Variants in SCN7A observed in about 807,000 individuals in gnomAD.
SCN7A encodes sodium voltage-gated channel alpha subunit 7, also known as sodium channel protein type 7 subunit alpha.
Under a neutral mutation model 155.2 loss-of-function variants are expected in SCN7A, and 138 were observed. The observed-to-expected ratio is 0.89, with a 90% CI of 0.77 to 1.02. The LOEUF is 1.02. SCN7A is among the 50% of genes least tolerant of loss of function. The pLI is 0.00. For missense variants in SCN7A, 2,058 were observed against 1,986.6 expected, an observed-to-expected ratio of 1.04 and a Z score of -0.68; for synonymous variants, 693 against 649.0, an observed-to-expected ratio of 1.07 and a Z score of -1.03.
chr2:166,430,395 T>C (rs1402766204), intron 16 of SCN7A, among the ~76,000 whole-genome samples: 1 of 151,988 alleles, frequency 6.6e-6, no homozygotes, highest in Non-Finnish European at 1.5e-5. Flanking sequence ...ATTCTTTATT[T>C]ATTTCTAATG....
chr2:166,447,541 T>C, intron 12 of SCN7A, 71 bp downstream of exon 12: 1 of 980,024 alleles, frequency 1.0e-6, no homozygotes, highest in Non-Finnish European at 1.5e-6. Context: ...AAGAAATTGC[T>C]GAATTTCTTT....
intron 1 of SCN7A, among the ~76,000 whole-genome samples, chr2:166,492,961 T>C (rs973070561): frequency 2.6e-5 from 4 of 152,218 alleles, no homozygotes; most frequent in African/African-American, 9.6e-5. Flanking sequence ...CAAAGACTTG[T>C]TCATTGGACT....
chr2:166,462,610 G>T, intron 9 of SCN7A, 80 bp from the exon 10 acceptor site: 1 of 1,359,284 alleles, frequency 7.4e-7, no homozygotes, highest in Non-Finnish European at 1.0e-6. Flanking sequence ...TAGAACATCA[G>T]TCCTGAGTAA....
At chr2:166,417,940 A>G (rs1052104013) in intron 20 of SCN7A, among the ~76,000 whole-genome samples, 4 of 151,666 alleles carry the variant, frequency 2.6e-5, no homozygotes, top group Admixed American at 1.3e-4. Context: ...GCAATAATCT[A>G]TAATCACTGT....
chr2:166,422,765 C>T (rs1252475648), intron 19 of SCN7A, among the ~76,000 whole-genome samples: 3 of 152,100 alleles, frequency 2.0e-5, no homozygotes, highest in African/African-American at 7.2e-5. Flanking sequence ...GAGCTGACTT[C>T]CATTTCACAA....
intron 16 of SCN7A, among the ~76,000 whole-genome samples, chr2:166,429,814 C>T (rs372719288): frequency 6.6e-6 from 1 of 151,874 alleles, no homozygotes; most frequent in East Asian, 1.9e-4. Flanking sequence ...CAAGAACAGG[C>T]CTGGGAAAGG....
rs35675449 is a variant in SCN7A at position 166,404,824 on chromosome 2, G to GAAAAAAAA, written c.*748_*755dup. 1.6e-5 allele frequency: 1 copy of GAAAAAAAA among 62,768 alleles called. No homozygotes were observed. Among genetic ancestry groups the GAAAAAAAA allele is most frequent in the African/African-American group, 5.2e-5 (1 of 19,368 alleles). 3.9% of individuals were successfully genotyped at this position (62,768 alleles called of 1,614,324 possible). On this transcript the variant is annotated 3_prime_UTR_variant, in exon 26 of 26. Transcript: ENST00000643258. ...AAATAGGTGTAAATGAGAAGAAAAT[G>GAAAAAAAA]AAAAAAAAAAAAAAAAAAAAGGCTA...
intron 1 of SCN7A, among the ~76,000 whole-genome samples, chr2:166,491,955 A>T (rs986518606): frequency 2.0e-5 from 3 of 151,898 alleles, no homozygotes; most frequent in Non-Finnish European, 1.5e-5. Context: ...ACGTATCTCA[A>T]CCCAATGAGA....
At chr2:166,435,934 T>C (rs1701829517) in intron 15 of SCN7A, among the ~76,000 whole-genome samples, 1 of 152,106 alleles carries the variant, frequency 6.6e-6, no homozygotes, top group African/African-American at 2.4e-5. Context: ...TTGTTAATAA[T>C]ATTAAATAAC....
intron 15 of SCN7A, among the ~76,000 whole-genome samples, chr2:166,434,495 G>T (rs1701797961): frequency 6.6e-6 from 1 of 152,108 alleles, no homozygotes; most frequent in African/African-American, 2.4e-5. Context: ...ATGATCAAAT[G>T]CTAATAGCTT....
chr2:166,421,339 T>A (rs561206883), intron 19 of SCN7A, 42 bp from the exon 20 acceptor site: 1 of 1,089,648 alleles, frequency 9.2e-7, no homozygotes, highest in Admixed American at 3.2e-5. Context: ...GGATTCCATA[T>A]TAATCAAAAT....
Position 166,493,670 on chromosome 2 carries a change from T to C in SCN7A, c.-128+298A>G, listed in dbSNP as rs57402962. 5.3e-3 allele frequency among the ~76,000 whole-genome samples: 806 copies of C among 152,378 alleles called. 46 individuals carry two copies. In the East Asian group the frequency reaches 0.12, roughly 23 times the overall value. ...CCATGTAATGTAAGTCATTGTCATATAGGGTTTCTAGAATTTTACACTAAC... is the reference window on the plus strand; with the variant it reads ...CCATGTAATGTAAGTCATTGTCATACAGGGTTTCTAGAATTTTACACTAAC... On this transcript the variant is annotated intron_variant, in intron 1 of 25. Transcript: ENST00000643258.
chr2:166,405,941 T>C lies in SCN7A; in HGVS notation c.4688A>G (p.Asp1563Gly). The change falls in exon 26 of 26, where the codon GAC becomes GGC. Residue 1563 changes from aspartate (D) to glycine (G), a missense_variant. Transcript: ENST00000643258. ...TCTGTCCCCAACAGCCATGGGGAGG[T>C]CCAAAGCAATGAGCTGGCCCTTGTT... ...KPNKGQLIALDLPMAVGDRIH... is the reference protein window; with the variant it reads ...KPNKGQLIALGLPMAVGDRIH... 2.5e-6 allele frequency: 4 copies of C among 1,612,790 alleles called. No individual in the cohort carries two copies. Among genetic ancestry groups the C allele is most frequent in the Non-Finnish European group, 3.4e-6 (4 of 1,179,320 alleles).
chr2:166,461,068 T>G (rs1323595258), intron 10 of SCN7A, among the ~76,000 whole-genome samples: 1 of 149,588 alleles, frequency 6.7e-6, no homozygotes, highest in Non-Finnish European at 1.5e-5. Flanking sequence ...TTTTTTTTTT[T>G]TTTTTACCAA....
intron 25 of SCN7A, among the ~76,000 whole-genome samples, chr2:166,409,032 T>G (rs1395907427): frequency 6.6e-6 from 1 of 152,000 alleles, no homozygotes; most frequent in Non-Finnish European, 1.5e-5. Flanking sequence ...TACCATAACC[T>G]TAATAGCACA....
chr2:166,443,488 T>C lies in SCN7A; in HGVS notation c.1800+15A>G. On this transcript the variant is annotated intron_variant, in intron 14 of 25. Transcript: ENST00000643258. ...ACTTTGATCAAATAAAAGTTAGGTATTGGATTCTACTTACCATCCTGAATA... is the reference window on the plus strand; with the variant it reads ...ACTTTGATCAAATAAAAGTTAGGTACTGGATTCTACTTACCATCCTGAATA... 1 of 1,571,230 alleles carries C rather than the reference T, an allele frequency of 6.4e-7. No homozygotes were observed. Among genetic ancestry groups the C allele is most frequent in the East Asian group, 2.3e-5 (1 of 43,864 alleles).
intron 11 of SCN7A, among the ~76,000 whole-genome samples, chr2:166,456,528 T>C (rs1399403063): frequency 6.6e-6 from 1 of 152,144 alleles, no homozygotes; most frequent in African/African-American, 2.4e-5. Context: ...GTGTGGTAGA[T>C]TATTTGCAAA....
rs181976611 is a variant in SCN7A at position 166,441,611 on chromosome 2, G to A, written c.1942C>T (p.Leu648=). 627 of 1,613,854 alleles carry A rather than the reference G, an allele frequency of 3.9e-4. 4 individuals carry two copies. In the African/African-American group the frequency reaches 7.1e-3, roughly 18 times the overall value. Residue 648 remains leucine, a synonymous_variant, in exon 15 of 26, where the codon CTG becomes TTG. Transcript: ENST00000643258. The part of the protein sequence containing the change: ...IFFSAAFGMK[L]FGKNYEEFVC... ...AATTCTTCATAATTCTTACCAAACA[G>A]CTTCATGCCGAATGCAGCAGAAAAG...
intron 12 of SCN7A, among the ~76,000 whole-genome samples, chr2:166,445,271 G>A (rs555506740): frequency 4.0e-5 from 6 of 151,530 alleles, no homozygotes; most frequent in Admixed American, 4.0e-4. Flanking sequence ...AGCTGAGATT[G>A]TGCCACTGCA....
Sources: gnomAD v4.1 joint callset for allele counts (sites outside exome capture counted in the v4.1 genomes callset) on GRCh38, gnomAD v4.1.1 for gene constraint, MANE v1.5 for transcripts, NCBI Gene and HGNC (gene_info 2026-07-23, HGNC 2026-07-21) for gene names.